ASPM: variants seen among roughly 807,000 people sequenced by gnomAD.
ASPM encodes the protein abnormal spindle-like microcephaly-associated protein.
In ASPM, 256 loss-of-function variants were observed where a neutral mutation model predicts 366.4. The ratio of observed to expected loss-of-function variants is 0.70; its 90% confidence interval spans 0.63 to 0.77. The LOEUF is 0.77. ASPM is among the 30% of genes least tolerant of loss of function. ASPM has a pLI of 0.00. For synonymous variants in ASPM, 1,414 were observed against 1,342.9 expected, an observed-to-expected ratio of 1.05 and a Z score of -1.16; for missense variants, 4,146 against 4,090.4, an observed-to-expected ratio of 1.01 and a Z score of -0.37.
In ASPM at chr1:197,129,959, G is replaced by C. The variant is rs1229430809; in HGVS notation, c.2585C>G (p.Ala862Gly). 1.2e-6 allele frequency: 2 copies of C among 1,613,950 alleles called. No individual in the cohort carries two copies. Among genetic ancestry groups the C allele is most frequent in the African/African-American group, 2.7e-5 (2 of 75,028 alleles). The change falls in exon 8 of 28, where the codon GCA becomes GGA. Residue 862 changes from alanine to glycine, a missense_variant. Physicochemically the swap from Ala to Gly is moderately conservative, Grantham distance 60. Transcript: ENST00000367409. ...LNRLLWNPDI[A>G]AEYRHPTVPH... ...AACAGTGGGGTGTCTATACTCAGCTGCTATATCAGGATTCCAAAGTAGGCG... is the reference window on the plus strand; with the variant it reads ...AACAGTGGGGTGTCTATACTCAGCTCCTATATCAGGATTCCAAAGTAGGCG...
intron 17 of ASPM, among the ~76,000 whole-genome samples, chr1:197,112,173 C>T (rs955772197): frequency 5.3e-5 from 8 of 152,156 alleles, no homozygotes; most frequent in African/African-American, 1.9e-4. Context: ...GAATACAATG[C>T]AGCCACAAGA....
chr1:197,135,203 A>T lies in ASPM; in HGVS notation c.2066T>A (p.Met689Lys). 1 of 1,614,056 alleles carries T rather than the reference A, an allele frequency of 6.2e-7. No homozygotes were observed. The highest frequency in any genetic ancestry group is 1.1e-5 in the South Asian group (1 of 91,084). ...RHPMPFAAKN[M>K]FYDERWKEKQ... ...TTCCTTCCAGCGTTCATCATAAAAC[A>T]TGTTTTTTGCAGCAAATGGCATCGG... The change falls in exon 5 of 28, where the codon ATG becomes AAG. Residue 689 changes from methionine to lysine, a missense_variant. Physicochemically the swap from Met to Lys is moderately conservative, Grantham distance 95. Transcript: ENST00000367409.
At position 197,102,743 on chromosome 1, in the gene ASPM, C is replaced by T. The variant is rs1657239724; in HGVS notation, c.6508G>A (p.Val2170Ile). 1.2e-6 allele frequency: 2 copies of T among 1,612,562 alleles called. No individual in the cohort carries two copies. The highest frequency in any genetic ancestry group is 1.3e-5 in the African/African-American group (1 of 74,806). ...CTAAAACTTGCCTGAAGGACTTTAA[C>T]AGCTTTCAAAATTGTCAGGTACTTT... ...REKYLTILKAVKVLQASFRGV... is the reference protein window; with the variant it reads ...REKYLTILKAIKVLQASFRGV... Residue 2170 changes from valine to isoleucine, a missense_variant, in exon 18 of 28, where the codon GTT becomes ATT. Val to Ile is a conservative substitution (Grantham distance 29, BLOSUM62 3). Around this residue, in one of 3 missense-constraint regions of ASPM, gnomAD observed 3,624 missense variants for 3,591.7 expected, o/e 1.01. Coordinates refer to ENST00000367409, the MANE Select transcript of ASPM (RefSeq NM_018136.5).
chr1:197,098,486 T>C (rs1025774490), intron 18 of ASPM, among the ~76,000 whole-genome samples: 1 of 151,738 alleles, frequency 6.6e-6, no homozygotes, highest in Non-Finnish European at 1.5e-5. Context: ...AAAATTTTTA[T>C]AAGATTGTTA....
Position 197,135,115 on chromosome 1 carries a change from TA to T in ASPM, c.2153del (p.Val718GlufsTer8). 1 of 1,599,232 alleles carries T rather than the reference TA, an allele frequency of 6.3e-7. No individual in the cohort carries two copies. Among genetic ancestry groups the T allele is most frequent in the Non-Finnish European group, 8.6e-7 (1 of 1,166,852 alleles). On this transcript the variant is annotated frameshift_variant, in exon 5 of 28. Transcript: ENST00000367409. LOFTEE classifies it high-confidence loss of function. ...GTTTACCTTCAGAAATATTTGTTTT[TA>T]CAGTGAAGTCATCAGGGGTTAATAT... The part of the protein sequence containing the change: ...NFILTPDDFT[V>X]KTNISEVNAA...
In ASPM at chr1:197,135,205, G is replaced by A. The variant is rs199588137; in HGVS notation, c.2064C>T (p.Asn688=). ...CCTTCCAGCGTTCATCATAAAACATGTTTTTTGCAGCAAATGGCATCGGGT... is the reference window on the plus strand; with the variant it reads ...CCTTCCAGCGTTCATCATAAAACATATTTTTTGCAGCAAATGGCATCGGGT... ...PRHPMPFAAK[N]MFYDERWKEK... The change falls in exon 5 of 28, where the codon AAC becomes AAT. Residue 688 remains asparagine, a synonymous_variant. Coordinates refer to ENST00000367409, the MANE Select transcript of ASPM (RefSeq NM_018136.5). 16 of 1,613,940 alleles carry A rather than the reference G, an allele frequency of 9.9e-6. No homozygotes were observed. In the African/African-American group the frequency reaches 1.6e-4, roughly 16 times the overall value.
rs1451306414 is a variant in ASPM, at chr1:197,102,257, G to A, written c.6994C>T (p.Arg2332Ter). Reference sequence around the variant, plus strand: ...AAAGTAGCAGCCCTGTGCATCTCTCGCATCCTTTTCCTTATCATCCATCTT... The same window carrying A: ...AAAGTAGCAGCCCTGTGCATCTCTCACATCCTTTTCCTTATCATCCATCTT... ...YRRWMIRKRM[R>*]EMHRAATFIQ... The change falls in exon 18 of 28, where the codon CGA (arginine) becomes TGA (stop). Residue 2332 changes from arginine (R) to a stop codon, truncating the protein, a stop_gained. Coordinates refer to ENST00000367409, the MANE Select transcript of ASPM (RefSeq NM_018136.5). LOFTEE classifies it high-confidence loss of function. The A allele has an allele frequency of 7.4e-6, 12 of 1,612,642 alleles. No individual in the cohort carries two copies. The highest frequency in any genetic ancestry group is 1.1e-5 in the South Asian group (1 of 91,052).
At chr1:197,088,507 A>C in intron 25 of ASPM, 75 bp from the exon 26 acceptor site, 2 of 1,434,414 alleles carry the variant, frequency 1.4e-6, no homozygotes. Flanking sequence ...AAAAAAACAA[A>C]ATACAAAAGT....
chr1:197,089,831 C>G, intron 25 of ASPM, 99 bp downstream of exon 25: 1 of 1,155,156 alleles, frequency 8.7e-7, no homozygotes, highest in Non-Finnish European at 1.3e-6. Context: ...ATGAATTTAA[C>G]TTAGAGATTT....
Position 197,124,090 on chromosome 1 carries a change from C to T in ASPM, c.3390+20G>A. 3 of 1,585,134 alleles carry T rather than the reference C, an allele frequency of 1.9e-6. No individual in the cohort carries two copies. Among genetic ancestry groups the T allele is most frequent in the Non-Finnish European group, 1.7e-6 (2 of 1,156,524 alleles). ...TTTATTAAAATATATTGGGTTAAAACAAAAAACAAAGAAACTTACCTTTTT... is the reference window on the plus strand; with the variant it reads ...TTTATTAAAATATATTGGGTTAAAATAAAAAACAAAGAAACTTACCTTTTT... On this transcript the variant is annotated intron_variant, in intron 13 of 27. Coordinates refer to ENST00000367409, the MANE Select transcript of ASPM (RefSeq NM_018136.5).
Position 197,127,572 on chromosome 1 carries a change from C to G in ASPM, c.2936+918G>C, listed in dbSNP as rs7520405. ...AGTTCCCTAGAAATAAAATGAGTAT[C>G]TCCAACCCAGATACCCTGAAGAGGC... On this transcript the variant is annotated intron_variant, in intron 10 of 27. Coordinates refer to ENST00000367409, the MANE Select transcript of ASPM (RefSeq NM_018136.5). Among the ~76,000 whole-genome samples the G allele has an allele frequency of 7.0e-3, 1,066 of 152,270 alleles. 10 individuals are homozygous for G. The highest frequency in any genetic ancestry group is 0.023 in the African/African-American group (966 of 41,554).
intron 27 of ASPM, among the ~76,000 whole-genome samples, chr1:197,086,547 CTTCT>C (rs1656593993): frequency 2.6e-5 from 4 of 152,262 alleles, no homozygotes; most frequent in Non-Finnish European, 4.4e-5. Context: ...TTATAACAAG[CTTCT>C]TAGCCTTAGC....
intron 18 of ASPM, among the ~76,000 whole-genome samples, chr1:197,097,421 C>T (rs975655563): frequency 4.0e-5 from 6 of 151,664 alleles, no homozygotes; most frequent in South Asian, 2.1e-4. Flanking sequence ...CCGACTGGGT[C>T]GGTGCACATA....
chr1:197,141,375 C>T (rs1461568621), intron 3 of ASPM, among the ~76,000 whole-genome samples: 2 of 152,126 alleles, frequency 1.3e-5, no homozygotes, highest in African/African-American at 4.8e-5. Context: ...CCTGCAAAGC[C>T]TAAAATGTTT....
At chr1:197,138,334 C>T (rs1235545661) in intron 4 of ASPM, among the ~76,000 whole-genome samples, 1 of 152,150 alleles carries the variant, frequency 6.6e-6, no homozygotes, top group Non-Finnish European at 1.5e-5. Context: ...TGGAGTCCCG[C>T]CCTTGTCGCC....
intron 4 of ASPM, chr1:197,138,932 T>C: frequency 2.5e-6 from 2 of 795,340 alleles, no homozygotes; most frequent in Non-Finnish European, 4.4e-6. Context: ...CCTGCAGCTC[T>C]TTTTCAGCTT....
At chr1:197,086,094 A>G (rs1656580014) in intron 27 of ASPM, among the ~76,000 whole-genome samples, 1 of 152,202 alleles carries the variant, frequency 6.6e-6, no homozygotes. Context: ...AAACCAATTT[A>G]TAACTACATT....
intron 4 of ASPM, among the ~76,000 whole-genome samples, chr1:197,138,146 T>C (rs1447472370): frequency 1.3e-5 from 2 of 152,162 alleles, no homozygotes; most frequent in Non-Finnish European, 2.9e-5. Flanking sequence ...GGTAAAGAAA[T>C]TTCTCCACCT....
chr1:197,129,278 A>G lies in ASPM; in HGVS notation c.2669T>C (p.Leu890Ser), dbSNP rs757090371. ...ATCAAGAAAACAGACCAACAACAAT[A>G]ACTTTTTCAATGTAAACTTGGACAA... is the stretch of plus-strand genomic sequence containing the variant. ...EALSKFTLKK[L>S]LLLVCFLDYA... is the part of the protein sequence containing the mutation. The change falls in exon 9 of 28, where the codon TTA becomes TCA. Residue 890 changes from leucine to serine, a missense_variant. Leu to Ser is a moderately radical substitution (Grantham distance 145). Transcript: ENST00000367409. 3 of 1,613,026 alleles carry G rather than the reference A, an allele frequency of 1.9e-6. No homozygotes were observed. The highest frequency in any genetic ancestry group is 1.7e-6 in the Non-Finnish European group (2 of 1,179,192).
Sources: allele counts gnomAD v4.1 joint callset (sites outside exome capture counted in the v4.1 genomes callset), GRCh38; gene constraint gnomAD v4.1.1; regional missense constraint gnomAD v4.1.1; transcripts MANE v1.5; gene names NCBI Gene and HGNC (gene_info 2026-07-23, HGNC 2026-07-21).